The following PKIB variants were observed in gnomAD, a reference collection of about 807,000 sequenced individuals.
PKIB encodes the protein PKI-beta.
PKIB carries 2 observed loss-of-function variants against 4.5 expected under a neutral mutation model. That is an observed-to-expected ratio of 0.44 (90% CI 0.18 to 1.39). The LOEUF is 1.39. Among genes scored for constraint, PKIB ranks in the 40% most tolerant of loss-of-function variants. The pLI is 0.27. For synonymous variants in PKIB, 38 were observed against 36.0 expected (o/e 1.06, Z -0.20); for missense variants, 94 against 92.6 (o/e 1.02, Z -0.06).
intron 3 of PKIB, among the ~76,000 whole-genome samples, chr6:122,677,894 T>C (rs7752574): frequency 0.3 from 17,307 of 57,580 alleles, 1,079 homozygotes; most frequent in African/African-American, 0.35. Context: ...TTCCTTCCTT[T>C]CTTTCTTTCT....
chr6:122,599,929 A>G (rs1774302783), intron 3 of PKIB, among the ~76,000 whole-genome samples: 1 of 152,136 alleles, frequency 6.6e-6, no homozygotes, highest in Admixed American at 6.5e-5. Flanking sequence ...TGCTACCAAA[A>G]TCTGTATTAG....
At chr6:122,574,129 T>C (rs1299157236) in intron 2 of PKIB, among the ~76,000 whole-genome samples, 1 of 152,104 alleles carries the variant, frequency 6.6e-6, no homozygotes, top group Non-Finnish European at 1.5e-5. Context: ...CAACAACAAT[T>C]AGGCTGAGAA....
chr6:122,697,894 T>A (rs980867726), intron 3 of PKIB, among the ~76,000 whole-genome samples: 2 of 152,122 alleles, frequency 1.3e-5, no homozygotes, highest in Non-Finnish European at 2.9e-5. Context: ...TTAGGATATG[T>A]AGAGAAACCT....
intron 4 of PKIB, among the ~76,000 whole-genome samples, chr6:122,724,825 T>C (rs1779892712): frequency 6.6e-6 from 1 of 152,132 alleles, no homozygotes; most frequent in Admixed American, 6.6e-5. Flanking sequence ...CACTCACTAG[T>C]CTCTGACTTT....
chr6:122,561,288 C>T (rs1460587116), intron 2 of PKIB, among the ~76,000 whole-genome samples: 2 of 151,998 alleles, frequency 1.3e-5, no homozygotes, highest in South Asian at 2.1e-4. Context: ...ATCTTGATTT[C>T]GTTTTTGACC....
intron 2 of PKIB, among the ~76,000 whole-genome samples, chr6:122,578,089 T>C (rs1773602506): frequency 6.6e-6 from 1 of 151,888 alleles, no homozygotes; most frequent in Non-Finnish European, 1.5e-5. Flanking sequence ...AACAATCTGA[T>C]TTATGAGAAG....
chr6:122,544,529 T>C (rs1053005282), intron 2 of PKIB, among the ~76,000 whole-genome samples: 10 of 152,060 alleles, frequency 6.6e-5, no homozygotes, highest in Non-Finnish European at 1.2e-4. Flanking sequence ...ACCCTGGGGT[T>C]CCAACCTGGA....
chr6:122,686,894 T>C (rs754946050), intron 3 of PKIB, among the ~76,000 whole-genome samples: 1 of 152,214 alleles, frequency 6.6e-6, no homozygotes, highest in African/African-American at 2.4e-5. Flanking sequence ...ACTTTGTAAA[T>C]ATTTTATCCC....
intron 2 of PKIB, among the ~76,000 whole-genome samples, chr6:122,504,217 A>G (rs1776332841): frequency 6.6e-6 from 1 of 152,156 alleles, no homozygotes; most frequent in Non-Finnish European, 1.5e-5. Flanking sequence ...GAAAAACTCT[A>G]ATAATCTGAA....
chr6:122,665,962 T>A (rs926580960), intron 2 of PKIB, among the ~76,000 whole-genome samples: 1 of 152,190 alleles, frequency 6.6e-6, no homozygotes, highest in Non-Finnish European at 1.5e-5. Flanking sequence ...GGAATTACAC[T>A]AAGTACTTTT....
chr6:122,684,592 C>G (rs1350626279), intron 3 of PKIB, among the ~76,000 whole-genome samples: 1 of 151,956 alleles, frequency 6.6e-6, no homozygotes, highest in Non-Finnish European at 1.5e-5. Flanking sequence ...ATAAGTTTGC[C>G]CTAGAAGTCC....
intron 2 of PKIB, among the ~76,000 whole-genome samples, chr6:122,661,310 C>A (rs58645840): frequency 0.021 from 3,214 of 152,238 alleles, 102 homozygotes; most frequent in African/African-American, 0.075. Flanking sequence ...ATTTTCATCA[C>A]CCCAGAGAGA....
At chr6:122,547,964 C>T (rs543706848) in intron 2 of PKIB, among the ~76,000 whole-genome samples, 52 of 152,234 alleles carry the variant, frequency 3.4e-4, no homozygotes, top group East Asian at 1.2e-3. Flanking sequence ...ATACCTTACA[C>T]TCCAAACGCT....
chr6:122,639,017 C>A (rs928764323), intron 2 of PKIB, among the ~76,000 whole-genome samples: 2 of 152,120 alleles, frequency 1.3e-5, no homozygotes, highest in Non-Finnish European at 2.9e-5. Flanking sequence ...TTTACCACCA[C>A]CAGAAAAAAG....
At chr6:122,494,426 G>C (rs1003077496) in intron 2 of PKIB, among the ~76,000 whole-genome samples, 2 of 152,206 alleles carry the variant, frequency 1.3e-5, no homozygotes, top group African/African-American at 2.4e-5. Flanking sequence ...TGTTGTCACA[G>C]TAACTGAAGA....
chr6:122,619,344 AT>A (rs2114783475), intron 1 of PKIB, among the ~76,000 whole-genome samples: 1 of 152,186 alleles, frequency 6.6e-6, no homozygotes, highest in East Asian at 1.9e-4. Flanking sequence ...TCTATTTAAA[AT>A]TTTAATCCAT....
chr6:122,662,117 G>A (rs371804411), intron 2 of PKIB, among the ~76,000 whole-genome samples: 14 of 151,758 alleles, frequency 9.2e-5, no homozygotes, highest in African/African-American at 3.1e-4. Context: ...ACATATGATT[G>A]GCAAGTGTTT....
intron 3 of PKIB, among the ~76,000 whole-genome samples, chr6:122,707,651 G>T (rs986707952): frequency 1.3e-5 from 2 of 151,984 alleles, no homozygotes; most frequent in Non-Finnish European, 2.9e-5. Flanking sequence ...TAACATTCAA[G>T]AAAATTTTAT....
chr6:122,529,931 G>C (rs1288775832), intron 2 of PKIB, among the ~76,000 whole-genome samples: 1 of 152,084 alleles, frequency 6.6e-6, no homozygotes, highest in East Asian at 1.9e-4. Context: ...GATTTACATT[G>C]GTTGGAGTTT....
Sources: gnomAD v4.1 joint callset for allele counts (sites outside exome capture counted in the v4.1 genomes callset) on GRCh38, gnomAD v4.1.1 for gene constraint, MANE v1.5 for transcripts, NCBI Gene and HGNC (gene_info 2026-07-23, HGNC 2026-07-21) for gene names.